Variants in ANGPT1 observed in about 807,000 individuals in gnomAD.
ANGPT1 encodes angiopoietin-1.
A neutral mutation model predicts 62.2 loss-of-function variants in ANGPT1; 17 were observed. The observed-to-expected ratio is 0.27, with a 90% CI of 0.19 to 0.41. ANGPT1 has a LOEUF of 0.41. ANGPT1 is among the 10% of genes least tolerant of loss of function. ANGPT1 has a pLI of 1.00. For missense variants in ANGPT1, 478 were observed against 594.9 expected, an observed-to-expected ratio of 0.80 and a Z score of 2.04; for synonymous variants, 199 against 198.9, an observed-to-expected ratio of 1.00 and a Z score of 0.00.
intron 1 of ANGPT1, among the ~76,000 whole-genome samples, chr8:107,439,450 T>C (rs1305492960): frequency 6.6e-6 from 1 of 152,212 alleles, no homozygotes; most frequent in East Asian, 1.9e-4. Context: ...AGTAGGAATG[T>C]TCTCCACAGG....
chr8:107,466,794 C>G (rs1350277903), intron 1 of ANGPT1, among the ~76,000 whole-genome samples: 1 of 151,936 alleles, frequency 6.6e-6, no homozygotes, highest in Non-Finnish European at 1.5e-5. Flanking sequence ...CGCCTATAAT[C>G]CCAGTTACTT....
At chr8:107,268,454 T>A (rs1813666289) in intron 7 of ANGPT1, among the ~76,000 whole-genome samples, 1 of 149,448 alleles carries the variant, frequency 6.7e-6, no homozygotes, top group Non-Finnish European at 1.5e-5. Flanking sequence ...ATAGATACAG[T>A]CTCTCACATC....
At chr8:107,360,260 T>C (rs1816133695) in intron 1 of ANGPT1, among the ~76,000 whole-genome samples, 1 of 152,182 alleles carries the variant, frequency 6.6e-6, no homozygotes, top group African/African-American at 2.4e-5. Context: ...TTCTTGTGGA[T>C]CAGCCAATGA....
intron 1 of ANGPT1, among the ~76,000 whole-genome samples, chr8:107,439,910 T>C (rs761813494): frequency 6.6e-6 from 1 of 152,096 alleles, no homozygotes; most frequent in Non-Finnish European, 1.5e-5. Context: ...TGAGTAGGAA[T>C]CAGTAGACTC....
intron 1 of ANGPT1, among the ~76,000 whole-genome samples, chr8:107,408,536 T>C (rs1316743961): frequency 6.6e-6 from 1 of 152,132 alleles, no homozygotes; most frequent in Non-Finnish European, 1.5e-5. Context: ...GTGAGGGCTC[T>C]GCTGTCTTTA....
intron 1 of ANGPT1, among the ~76,000 whole-genome samples, chr8:107,428,390 C>A (rs1170656320): frequency 6.6e-6 from 1 of 152,106 alleles, no homozygotes; most frequent in Admixed American, 6.5e-5. Context: ...CCCCATGAGA[C>A]TTTTTAATGC....
chr8:107,302,554 C>G lies in ANGPT1; in HGVS notation c.936+686G>C, dbSNP rs140151417. Among the ~76,000 whole-genome samples, 311 of 151,982 alleles carry G rather than the reference C, an allele frequency of 2.0e-3. 2 individuals are homozygous for G. Among genetic ancestry groups the G allele is most frequent in the African/African-American group, 7.3e-3 (302 of 41,506 alleles). On this transcript the variant is annotated intron_variant, in intron 5 of 8. Coordinates refer to ENST00000517746, the MANE Select transcript of ANGPT1 (RefSeq NM_001146.5). ...AACTGTTTGCTCTATATTCATGTTC[C>G]TAACAAATGCATGATATCCACTTAA...
chr8:107,493,854 T>A (rs1268377924), intron 1 of ANGPT1, among the ~76,000 whole-genome samples: 1 of 150,392 alleles, frequency 6.6e-6, no homozygotes, highest in Non-Finnish European at 1.5e-5. Flanking sequence ...ATCATCAATG[T>A]GTTTTGGGTA....
intron 4 of ANGPT1, among the ~76,000 whole-genome samples, chr8:107,309,171 A>G (rs954809672): frequency 1.3e-5 from 2 of 152,194 alleles, no homozygotes; most frequent in African/African-American, 4.8e-5. Flanking sequence ...CAGTTCTTCA[A>G]TCGTTCATTT....
intron 7 of ANGPT1, among the ~76,000 whole-genome samples, chr8:107,267,274 AC>A (rs921133206): frequency 2.6e-5 from 4 of 152,134 alleles, no homozygotes; most frequent in African/African-American, 7.2e-5. Flanking sequence ...TCATATCATT[AC>A]ATTTTTTTCT....
intron 1 of ANGPT1, among the ~76,000 whole-genome samples, chr8:107,356,465 C>G (rs1226177896): frequency 7.9e-5 from 12 of 152,158 alleles, no homozygotes; most frequent in African/African-American, 2.4e-5. Context: ...CAAATCCTCT[C>G]AACGAGAGAA....
chr8:107,408,047 A>G (rs567513570), intron 1 of ANGPT1, among the ~76,000 whole-genome samples: 2 of 151,808 alleles, frequency 1.3e-5, no homozygotes, highest in African/African-American at 4.8e-5. Context: ...ACTGAAAATA[A>G]GAGTAATGTA....
At chr8:107,388,581 A>C (rs1024273563) in intron 1 of ANGPT1, among the ~76,000 whole-genome samples, 2 of 152,108 alleles carry the variant, frequency 1.3e-5, no homozygotes, top group Admixed American at 6.6e-5. Context: ...AAAATACCCC[A>C]AACCGCCTGA....
intron 6 of ANGPT1, among the ~76,000 whole-genome samples, chr8:107,293,542 C>T (rs1353912314): frequency 1.3e-5 from 2 of 152,118 alleles, no homozygotes; most frequent in Non-Finnish European, 2.9e-5. Flanking sequence ...CAGCCAGCAA[C>T]AATTAGCCAG....
intron 1 of ANGPT1, among the ~76,000 whole-genome samples, chr8:107,421,654 G>T (rs12678509): frequency 0.074 from 11,195 of 152,190 alleles, 867 homozygotes; most frequent in East Asian, 0.44. Context: ...AAGCAAAGCC[G>T]CTCTTTGAAT....
intron 8 of ANGPT1, among the ~76,000 whole-genome samples, chr8:107,262,418 A>C (rs970417937): frequency 1.3e-5 from 2 of 152,354 alleles, no homozygotes; most frequent in Non-Finnish European, 1.5e-5. Flanking sequence ...TATGTGTCAC[A>C]GTCAGCTGTG....
rs763608096 is a variant in ANGPT1 at position 107,293,933 on chromosome 8, T to C, written c.1038+3A>G. The C allele has an allele frequency of 1.9e-6, 3 of 1,610,106 alleles. No individual in the cohort carries two copies. In the Admixed American group the frequency reaches 5.0e-5, roughly 27 times the overall value. On this transcript the variant is annotated splice_donor_region_variant and intron_variant, in intron 6 of 8. Coordinates refer to ENST00000517746, the MANE Select transcript of ANGPT1 (RefSeq NM_001146.5). Reference sequence around the variant, plus strand: ...AAAAGCACCATAAATTCTTGCATCTTACCATTTTATATTCCTTCCAGCCTC... The same window carrying C: ...AAAAGCACCATAAATTCTTGCATCTCACCATTTTATATTCCTTCCAGCCTC...
chr8:107,494,621 A>G (rs1813045815), intron 1 of ANGPT1: 1 of 152,196 alleles, frequency 6.6e-6, no homozygotes, highest in Non-Finnish European at 1.5e-5. Flanking sequence ...AATCCATCAC[A>G]TCAAGAAAGC....
intron 8 of ANGPT1, among the ~76,000 whole-genome samples, chr8:107,258,884 A>C (rs2514872): frequency 0.85 from 129,857 of 152,180 alleles, 55,416 homozygotes; most frequent in Middle Eastern, 0.89. Context: ...TCATTTATGT[A>C]TTTTCACCAG....
Sources: gnomAD v4.1 joint callset for allele counts (sites outside exome capture counted in the v4.1 genomes callset) on GRCh38, gnomAD v4.1.1 for gene constraint, MANE v1.5 for transcripts, NCBI Gene and HGNC (gene_info 2026-07-23, HGNC 2026-07-21) for gene names.